The following LIPE variants were observed in gnomAD, a reference collection of about 807,000 sequenced individuals.
LIPE encodes hormone-sensitive lipase.
LIPE carries 66 observed loss-of-function variants against 88.5 expected under a neutral mutation model. That is an observed-to-expected ratio of 0.75 (90% confidence interval 0.61 to 0.91). LIPE has a LOEUF of 0.91. Among genes scored for constraint, LIPE ranks in the 40% least tolerant of loss-of-function variants. LIPE has a pLI of 0.00. For missense variants in LIPE, 1,346 were observed against 1,434.7 expected (o/e 0.94, Z 1.00); for synonymous variants, 570 against 617.5 (o/e 0.92, Z 1.14).
In LIPE at chr19:42,402,620, G is replaced by C. The variant is rs1297128310; in HGVS notation, c.2954C>G (p.Pro985Arg). The change falls in exon 9 of 10, where the codon CCT (proline) becomes CGT (arginine). Residue 985 changes from proline (P) to arginine (R), a missense_variant. Physicochemically the swap from Pro to Arg is moderately radical, Grantham distance 103. Transcript: ENST00000244289. ...TCTGTCGCTCACCACGATGTGCACA[G>C]GTGGCAGGCTCTTGAGCATGCTGTC... ...APDSMLKSLP[P>R]VHIVACALDP... 1 of 1,494,754 alleles carries C rather than the reference G, an allele frequency of 6.7e-7. No individual in the cohort carries two copies. The highest frequency in any genetic ancestry group is 2.4e-5 in the Admixed American group (1 of 42,530). 92.6% of individuals were successfully genotyped at this position (1,494,754 alleles called of 1,614,324 possible). A position where few individuals can be genotyped will look rare whatever the true frequency, so the allele number is the denominator to read the frequency against.
rs960807807 is a variant in LIPE at position 42,410,249 on chromosome 19, C to T, written c.1419+58G>A. The T allele has an allele frequency of 6.7e-7, 1 of 1,486,326 alleles. No individual in the cohort carries two copies. The highest frequency in any genetic ancestry group is 2.5e-5 in the East Asian group (1 of 40,374). The allele number at this position is 1,486,326 out of a possible 1,614,324, so 92.1% of individuals were successfully genotyped here. A position where few individuals can be genotyped will look rare whatever the true frequency, so the allele number is the denominator to read the frequency against. ...TACTTTACCATACTATAGGCCAGGC[C>T]AGGGGCCACCAGGTGCCTTCATTGT... On this transcript the variant is annotated intron_variant, in intron 2 of 9. Transcript: ENST00000244289. The surrounding 1 kb of genome is among the most constrained non-coding windows in gnomAD (Gnocchi z 6.1).
In LIPE at chr19:42,410,086, G is replaced by A. The variant is rs375766299; in HGVS notation, c.1419+221C>T. Among the ~76,000 whole-genome samples the A allele has an allele frequency of 4.6e-5, 7 of 152,336 alleles. No homozygotes were observed. The South Asian group carries it at 1.4e-3, about 32-fold the overall frequency. ...TATCCTGGTGAAAAAAGCTCTGCAA[G>A]TTGCATTTCTTACCACCTAGCAGAT... On this transcript the variant is annotated intron_variant, in intron 2 of 9. Coordinates refer to ENST00000244289, the MANE Select transcript of LIPE (RefSeq NM_005357.4). This position sits in a 1 kb window ranked among gnomAD's most constrained non-coding sequence, Gnocchi z 6.1.
intron 1 of LIPE, among the ~76,000 whole-genome samples, chr19:42,418,664 TTAAAATATG>T (rs2040537267): frequency 6.6e-6 from 1 of 151,880 alleles, no homozygotes; most frequent in Non-Finnish European, 1.5e-5. Context: ...AAAAAAAAAA[TTAAAATATG>T]TACATGGTAT....
rs762863289 is a variant in LIPE, at chr19:42,405,368, G to T, written c.2542+17C>A. ...TGCCCACCCTGGCTGGGCATGTGAC[G>T]GGAGTGAATCACTCACCTGCTATGG... is the stretch of plus-strand genomic sequence containing the variant. On this transcript the variant is annotated intron_variant, in intron 8 of 9. Coordinates refer to ENST00000244289, the MANE Select transcript of LIPE (RefSeq NM_005357.4). 4 of 1,610,034 alleles carry T rather than the reference G, an allele frequency of 2.5e-6. No individual in the cohort carries two copies. Among genetic ancestry groups the T allele is most frequent in the Non-Finnish European group, 3.4e-6 (4 of 1,178,486 alleles).
chr19:42,405,458 A>T lies in LIPE; in HGVS notation c.2469T>A (p.Gly823=), dbSNP rs777241891. 8 of 1,613,700 alleles carry T rather than the reference A, an allele frequency of 5.0e-6. No homozygotes were observed. Among genetic ancestry groups the T allele is most frequent in the Non-Finnish European group, 6.8e-6 (8 of 1,179,910 alleles). The change falls in exon 8 of 10, where the codon GGT becomes GGA. Residue 823 remains glycine, a synonymous_variant. Coordinates refer to ENST00000244289, the MANE Select transcript of LIPE (RefSeq NM_005357.4). ...TALLLRDFRL[G]ASSWLNSFLE... ...GGAAGGAGTTGAGCCATGAGGAGGC[A>T]CCCAGGCGGAAGTCTCGGAGGAGCA...
chr19:42,424,878 G>T (rs1600150263), intron 1 of LIPE: 1 of 347,224 alleles, frequency 2.9e-6, no homozygotes, highest in East Asian at 7.7e-5. Context: ...GCAGCACTGG[G>T]CCCCGGGAAG....
At chr19:42,422,133 G>C (rs2040609413) in intron 1 of LIPE, among the ~76,000 whole-genome samples, 1 of 152,222 alleles carries the variant, frequency 6.6e-6, no homozygotes, top group Admixed American at 6.5e-5. Context: ...CTGCTTTTAG[G>C]ATGTTCACCG....
Position 42,408,296 on chromosome 19 carries a change from C to T in LIPE, c.1446G>A (p.Leu482=). ...FQFTPAIRPF[L]QTISIGLVSF... ...ACACCAGCCCAATGGAGATGGTCTGCAGGAATGGCCGGATGGCAGGCGTGA... is the reference window on the plus strand; with the variant it reads ...ACACCAGCCCAATGGAGATGGTCTGTAGGAATGGCCGGATGGCAGGCGTGA... The change falls in exon 3 of 10, where the codon CTG becomes CTA. Residue 482 remains leucine (L), a synonymous_variant. Transcript: ENST00000244289. This position sits in a 1 kb window ranked among gnomAD's most constrained non-coding sequence, Gnocchi z 4.3. 6.2e-7 allele frequency: 1 copy of T among 1,614,070 alleles called. No individual in the cohort carries two copies. The highest frequency in any genetic ancestry group is 8.5e-7 in the Non-Finnish European group (1 of 1,179,998).
intron 1 of LIPE, chr19:42,423,687 C>G (rs1282239633): frequency 1.0e-5 from 12 of 1,145,146 alleles, no homozygotes; most frequent in Non-Finnish European, 1.3e-5. Context: ...CAATTCTGGT[C>G]TCCCTCCGCT....
chr19:42,419,510 G>A (rs907884665), intron 1 of LIPE, among the ~76,000 whole-genome samples: 6 of 152,226 alleles, frequency 3.9e-5, no homozygotes, highest in Admixed American at 2.6e-4. Flanking sequence ...GAGGGCACTG[G>A]GGCAGGGGTA....
chr19:42,427,177 T>A lies in LIPE; in HGVS notation c.-28A>T. ...TTATTTCCCTCACGGGAGATATTGA[T>A]CTTCCAGGTTCTATCCTTCTGGGCT... On this transcript the variant is annotated 5_prime_UTR_variant, in exon 1 of 10. Coordinates refer to ENST00000244289, the MANE Select transcript of LIPE (RefSeq NM_005357.4). 2 of 1,552,928 alleles carry A rather than the reference T, an allele frequency of 1.3e-6. No individual in the cohort carries two copies. Among genetic ancestry groups the A allele is most frequent in the South Asian group, 2.5e-5 (2 of 80,672 alleles).
intron 1 of LIPE, 61 bp downstream of exon 1, chr19:42,426,196 GTTTTTAGTAT>G (rs991837879): frequency 6.9e-7 from 1 of 1,452,650 alleles, no homozygotes; most frequent in African/African-American, 1.5e-5. Flanking sequence ...TACACCGTAA[GTTTTTAGTAT>G]TTTTTAAGTA....
In LIPE at chr19:42,414,402, C is replaced by T. The variant is rs944248119; in HGVS notation, c.884-3560G>A. Among the ~76,000 whole-genome samples the T allele has an allele frequency of 6.6e-6, 1 of 152,234 alleles. No homozygotes were observed. Among genetic ancestry groups the T allele is most frequent in the Admixed American group, 6.5e-5 (1 of 15,284 alleles). On this transcript the variant is annotated intron_variant, in intron 1 of 9. Coordinates refer to ENST00000244289, the MANE Select transcript of LIPE (RefSeq NM_005357.4). This position sits in a 1 kb window ranked among gnomAD's most constrained non-coding sequence, Gnocchi z 4.6. ...GTCTGTTTTCCTCATCTGGAAACTG[C>T]ACTTGGCTGTTCTGCTGGCTCAGGG...
At chr19:42,402,191 A>G in intron 9 of LIPE, 116 bp from the exon 10 acceptor site, 1 of 1,030,804 alleles carries the variant, frequency 9.7e-7, no homozygotes. Context: ...ATACAGACGG[A>G]GTGGACGGAG....
Position 42,427,079 on chromosome 19 carries a change from G to A in LIPE, c.71C>T (p.Pro24Leu), listed in dbSNP as rs747595020. Residue 24 changes from proline to leucine, a missense_variant, in exon 1 of 10, where the codon CCG becomes CTG. Physicochemically the swap from Pro to Leu is moderately conservative, Grantham distance 98 (BLOSUM62 -3). Transcript: ENST00000244289. ...TGTCTTTTCTGGCCCAGGCTCTAGC[G>A]GGGTTATAGGCCTCTGGTGTGGTTC... ...QPEPHQRPITPLEPGPEKTPI... is the reference protein window; with the variant it reads ...QPEPHQRPITLLEPGPEKTPI... The A allele has an allele frequency of 5.0e-6, 8 of 1,613,938 alleles. No homozygotes were observed. Among genetic ancestry groups the A allele is most frequent in the South Asian group, 1.1e-5 (1 of 91,086 alleles).
In LIPE at chr19:42,410,426, C is replaced by A. The variant is rs756479250; in HGVS notation, c.1300G>T (p.Val434Phe). 1.2e-6 allele frequency: 2 copies of A among 1,614,208 alleles called. No homozygotes were observed. The highest frequency in any genetic ancestry group is 2.2e-5 in the South Asian group (2 of 91,088). ...AAGAGTACCCCCGGCCGATTGGTAA[C>A]CAGCAGGCGCTGGGCGTAGTAGACC... ...ALVYYAQRLLVTNRPGVLFFE... is the reference protein window; with the variant it reads ...ALVYYAQRLLFTNRPGVLFFE... The change falls in exon 2 of 10, where the codon GTT (valine) becomes TTT (phenylalanine). Residue 434 changes from valine to phenylalanine, a missense_variant. Physicochemically the swap from Val to Phe is conservative, Grantham distance 50 (BLOSUM62 -1). Transcript: ENST00000244289. This position sits in a 1 kb window ranked among gnomAD's most constrained non-coding sequence, Gnocchi z 6.1.
chr19:42,424,273 G>A (rs1258430500), intron 1 of LIPE: 2 of 497,540 alleles, frequency 4.0e-6, no homozygotes, highest in African/African-American at 3.9e-5. Context: ...CGGCCCAAGA[G>A]CGGAGGTAGA....
chr19:42,401,623 G>T lies in LIPE; in HGVS notation c.*189C>A. On this transcript the variant is annotated 3_prime_UTR_variant, in exon 10 of 10. Transcript: ENST00000244289. ...CAGCAGCAAAAGGCAGCGGTGGCGTGCAGGTCCAGCCGTCTCGGTGACCGG... is the reference window on the plus strand; with the variant it reads ...CAGCAGCAAAAGGCAGCGGTGGCGTTCAGGTCCAGCCGTCTCGGTGACCGG... 1.8e-6 allele frequency: 1 copy of T among 542,328 alleles called. No homozygotes were observed. Among genetic ancestry groups the T allele is most frequent in the Non-Finnish European group, 3.2e-6 (1 of 316,432 alleles). 33.6% of individuals were successfully genotyped at this position (542,328 alleles called of 1,614,324 possible). A position where few individuals can be genotyped will look rare whatever the true frequency, so the allele number is the denominator to read the frequency against.
At chr19:42,420,458 G>A (rs1012860745) in intron 1 of LIPE, among the ~76,000 whole-genome samples, 2 of 152,062 alleles carry the variant, frequency 1.3e-5, no homozygotes, top group African/African-American at 2.4e-5. Context: ...TTGTGTGGGC[G>A]TGTTTGTTTA....
Sources: allele counts gnomAD v4.1 joint callset (sites outside exome capture counted in the v4.1 genomes callset), GRCh38; gene constraint gnomAD v4.1.1; non-coding constraint Gnocchi (gnomAD v3.1); transcripts MANE v1.5; gene names NCBI Gene and HGNC (gene_info 2026-07-23, HGNC 2026-07-21).